The following SLC39A11 variants were observed in gnomAD, a reference collection of about 807,000 sequenced individuals.
SLC39A11 encodes the protein zinc transporter ZIP11.
SLC39A11 carries 33 observed loss-of-function variants against 36.1 expected under a neutral mutation model. That is an observed-to-expected ratio of 0.91 (90% CI 0.69 to 1.22). SLC39A11 has a LOEUF of 1.22. Among genes scored for constraint, SLC39A11 ranks in the 50% most tolerant of loss-of-function variants. The pLI is 0.00. For missense variants in SLC39A11, 432 were observed against 430.3 expected, an observed-to-expected ratio of 1.00 and a Z score of -0.03; for synonymous variants, 166 against 170.3, an observed-to-expected ratio of 0.97 and a Z score of 0.20.
chr17:72,935,578 C>A (rs4969035), intron 5 of SLC39A11, among the ~76,000 whole-genome samples: 6,709 of 152,140 alleles, frequency 0.044, 469 homozygotes, highest in African/African-American at 0.15. Flanking sequence ...TCCTTTATCA[C>A]CTGAGCAATT....
At chr17:73,004,223 GAAAGAAAGA>G (rs1388371158) in intron 4 of SLC39A11, among the ~76,000 whole-genome samples, 2,712 of 78,988 alleles carry the variant, frequency 0.034, 212 homozygotes, top group Non-Finnish European at 0.043. Context: ...AAGAAAGAAA[GAAAGAAAGA>G]AAAGAAAGAA....
intron 7 of SLC39A11, among the ~76,000 whole-genome samples, chr17:72,692,301 G>T (rs116792381): frequency 6.6e-6 from 1 of 152,184 alleles, no homozygotes; most frequent in South Asian, 2.1e-4. Flanking sequence ...GTGGGCTACC[G>T]CGCCCGACCA....
chr17:72,972,201 G>T (rs1238486623), intron 4 of SLC39A11, among the ~76,000 whole-genome samples: 1 of 152,106 alleles, frequency 6.6e-6, no homozygotes, highest in Non-Finnish European at 1.5e-5. Context: ...ATAGTTATTG[G>T]TGTTACCGCT....
At chr17:72,747,537 C>T (rs1362513812) in intron 6 of SLC39A11, among the ~76,000 whole-genome samples, 2 of 152,266 alleles carry the variant, frequency 1.3e-5, no homozygotes, top group South Asian at 2.1e-4. Flanking sequence ...ACACTAGGGA[C>T]GGGAGCAACG....
intron 7 of SLC39A11, among the ~76,000 whole-genome samples, chr17:72,678,763 T>C (rs546055795): frequency 6.6e-6 from 1 of 152,180 alleles, no homozygotes; most frequent in East Asian, 1.9e-4. Context: ...TAGGGATTCA[T>C]CGATTCACAA....
At position 72,950,616 on chromosome 17, in the gene SLC39A11, CCTTT is replaced by C. The variant is rs530592292; in HGVS notation, c.307-2745_307-2742del. Among the ~76,000 whole-genome samples the C allele has an allele frequency of 1.6e-4, 25 of 152,288 alleles. No homozygotes were observed. In the East Asian group the frequency reaches 3.5e-3, roughly 21 times the overall value. On this transcript the variant is annotated intron_variant, in intron 4 of 9. Transcript: ENST00000255559. ...GAAAGTATGTCAGCTGATTTTCCTTCCTTTGTCTTCTTTCTTTTTATAATGTGAT... is the reference window on the plus strand; with the variant it reads ...GAAAGTATGTCAGCTGATTTTCCTTCGTCTTCTTTCTTTTTATAATGTGAT...
At chr17:72,819,248 G>C (rs1204441028) in intron 6 of SLC39A11, among the ~76,000 whole-genome samples, 1 of 151,098 alleles carries the variant, frequency 6.6e-6, no homozygotes, top group Non-Finnish European at 1.5e-5. Flanking sequence ...GCACAGAATC[G>C]GACATACATA....
chr17:72,869,363 TG>T (rs2080486293), intron 5 of SLC39A11, among the ~76,000 whole-genome samples: 1 of 152,154 alleles, frequency 6.6e-6, no homozygotes, highest in African/African-American at 2.4e-5. Flanking sequence ...TACGAATAAG[TG>T]GGAAATGCAT....
chr17:72,742,045 T>TA (rs1280750707), intron 6 of SLC39A11, among the ~76,000 whole-genome samples: 1 of 151,924 alleles, frequency 6.6e-6, no homozygotes, highest in Non-Finnish European at 1.5e-5. Flanking sequence ...CTACTAAAAA[T>TA]ACAAAAAATT....
rs577146789 is a variant in SLC39A11, at chr17:72,970,003, G to C, written c.307-22128C>G. ...GAAAGAGACACCAACGGCAGTCCCA[G>C]CACCACCTCCACATACCTGAGCGAG... On this transcript the variant is annotated intron_variant, in intron 4 of 9. Transcript: ENST00000255559. Among the ~76,000 whole-genome samples the C allele has an allele frequency of 3.3e-5, 5 of 152,296 alleles. 1 individual carries two copies. Among genetic ancestry groups the C allele is most frequent in the African/African-American group, 9.6e-5 (4 of 41,562 alleles).
rs11318251 is a variant in SLC39A11 at position 72,957,818 on chromosome 17, CAAA to C, written c.307-9946_307-9944del. ...TGGGCGACAAAGGGAGACCCTGTCT[CAAA>C]AAAAAAAAACAAACAAAAATTAGCC... On this transcript the variant is annotated intron_variant, in intron 4 of 9. Coordinates refer to ENST00000255559, the MANE Select transcript of SLC39A11 (RefSeq NM_139177.4). 3.0e-3 allele frequency among the ~76,000 whole-genome samples: 431 copies of C among 145,002 alleles called. 2 individuals carry two copies. The highest frequency in any genetic ancestry group is 9.9e-3 in the African/African-American group (390 of 39,294).
intron 7 of SLC39A11, among the ~76,000 whole-genome samples, chr17:72,696,488 T>C (rs1363786011): frequency 1.2e-4 from 19 of 152,200 alleles, no homozygotes; most frequent in Admixed American, 1.2e-3. Context: ...CGAGATCTGA[T>C]CCCGGAGTCT....
intron 7 of SLC39A11, among the ~76,000 whole-genome samples, chr17:72,719,698 T>C (rs997649407): frequency 3.3e-5 from 5 of 152,194 alleles, no homozygotes; most frequent in African/African-American, 1.2e-4. Context: ...TTCAGAGAGC[T>C]TGACGGGGCC....
chr17:73,076,612 A>T (rs118129624), intron 3 of SLC39A11, among the ~76,000 whole-genome samples: 2,104 of 152,276 alleles, frequency 0.014, 73 homozygotes, highest in Admixed American at 0.077. Context: ...TTTTCAAGAC[A>T]TATATTCAAA....
intron 5 of SLC39A11, among the ~76,000 whole-genome samples, chr17:72,909,885 C>G (rs12949898): frequency 6.6e-6 from 1 of 151,078 alleles, no homozygotes; most frequent in Admixed American, 6.6e-5. Context: ...AGCTGGGACT[C>G]CAGGCGCCCG....
At chr17:72,790,717 G>A (rs1299634861) in intron 6 of SLC39A11, among the ~76,000 whole-genome samples, 1 of 152,034 alleles carries the variant, frequency 6.6e-6, no homozygotes, top group African/African-American at 2.4e-5. Context: ...TTTTTTAGTA[G>A]AGATGGGGTC....
chr17:73,002,028 G>A (rs1001593932), intron 4 of SLC39A11, among the ~76,000 whole-genome samples: 1 of 152,090 alleles, frequency 6.6e-6, no homozygotes, highest in African/African-American at 2.4e-5. Context: ...TTACTAAGAT[G>A]CTCTTAGGAT....
intron 5 of SLC39A11, among the ~76,000 whole-genome samples, chr17:72,890,946 T>A (rs907697992): frequency 6.6e-6 from 1 of 152,150 alleles, no homozygotes; most frequent in Non-Finnish European, 1.5e-5. Context: ...AGCAAAATCA[T>A]GAGTCATGAT....
At chr17:73,012,379 G>C (rs1413926515) in intron 4 of SLC39A11, among the ~76,000 whole-genome samples, 1 of 152,124 alleles carries the variant, frequency 6.6e-6, no homozygotes, top group Non-Finnish European at 1.5e-5. Context: ...CGTTATACGT[G>C]ACTATATCAA....
Sources: allele counts gnomAD v4.1 joint callset (sites outside exome capture counted in the v4.1 genomes callset), GRCh38; gene constraint gnomAD v4.1.1; transcripts MANE v1.5; gene names NCBI Gene and HGNC (gene_info 2026-07-23, HGNC 2026-07-21).